The following GPX6 variants were observed in gnomAD, a reference collection of about 807,000 sequenced individuals.
GPX6 encodes the protein glutathione peroxidase 6 (olfactory).
In GPX6, 21 loss-of-function variants were observed where a neutral mutation model predicts 20.0. The observed-to-expected ratio is 1.05, with a 90% CI of 0.74 to 1.51. GPX6 has a LOEUF of 1.51. GPX6 is among the 40% of genes most tolerant of loss of function. The pLI is 0.00. For synonymous variants in GPX6, 75 were observed against 98.0 expected, an observed-to-expected ratio of 0.77 and a Z score of 1.38; for missense variants, 233 against 254.7, an observed-to-expected ratio of 0.91 and a Z score of 0.58.
Position 28,505,014 on chromosome 6 carries a change from A to C in GPX6, c.460-516T>G, listed in dbSNP as rs551351991. Among the ~76,000 whole-genome samples, 33 of 152,320 alleles carry C rather than the reference A, an allele frequency of 2.2e-4. No individual in the cohort carries two copies. In the South Asian group the frequency reaches 4.8e-3, roughly 22 times the overall value. On this transcript the variant is annotated intron_variant, in intron 4 of 4. Coordinates refer to ENST00000361902, the MANE Select transcript of GPX6 (RefSeq NM_182701.1). ...AAAGTCTACTGTAAGCACACATTTA[A>C]AAATTAAGGGATTTTTAAATACTCA...
At position 28,504,290 on chromosome 6, in the gene GPX6, T is replaced by C; in HGVS notation, c.*2A>G. ...GTTATTTCTGTCAGTCGCTAGCCCT[T>C]CCTAGTGGGTATTGAACTGCTTTAG... is the stretch of plus-strand genomic sequence containing the variant. On this transcript the variant is annotated 3_prime_UTR_variant, in exon 5 of 5. Transcript: ENST00000361902. 6.2e-7 allele frequency: 1 copy of C among 1,613,618 alleles called. No individual in the cohort carries two copies. The highest frequency in any genetic ancestry group is 1.3e-5 in the African/African-American group (1 of 75,032).
chr6:28,508,157 CAAATTTA>C (rs1213859985), intron 2 of GPX6, among the ~76,000 whole-genome samples: 8 of 152,134 alleles, frequency 5.3e-5, no homozygotes, highest in African/African-American at 1.9e-4. Flanking sequence ...CAATATGTAG[CAAATTTA>C]AGTTAAAATT....
chr6:28,505,678 C>T, intron 4 of GPX6, 25 bp downstream of exon 4: 1 of 1,573,242 alleles, frequency 6.4e-7, no homozygotes, highest in Non-Finnish European at 8.7e-7. Context: ...GCTAACCCAT[C>T]CATGCCAGGT....
At chr6:28,512,253 A>C (rs1762894580) in intron 1 of GPX6, among the ~76,000 whole-genome samples, 1 of 152,248 alleles carries the variant, frequency 6.6e-6, no homozygotes, top group Non-Finnish European at 1.5e-5. Context: ...TGGGCTCCTG[A>C]GTCTGGTGGG....
At chr6:28,512,970 G>A (rs1762928394) in intron 1 of GPX6, among the ~76,000 whole-genome samples, 1 of 152,104 alleles carries the variant, frequency 6.6e-6, no homozygotes, top group Non-Finnish European at 1.5e-5. Flanking sequence ...AACAAATTCT[G>A]GACACGCTGC....
At chr6:28,511,164 A>T (rs905897837) in intron 1 of GPX6, among the ~76,000 whole-genome samples, 2 of 152,322 alleles carry the variant, frequency 1.3e-5, no homozygotes, top group African/African-American at 4.8e-5. Flanking sequence ...AAGATTAATA[A>T]CATTTACCTC....
At position 28,505,683 on chromosome 6, in the gene GPX6, CCAGGTTTATACT is replaced by C. The variant is rs1195236159; in HGVS notation, c.459+8_459+19del. 6.3e-7 allele frequency: 1 copy of C among 1,587,020 alleles called. No individual in the cohort carries two copies. The highest frequency in any genetic ancestry group is 1.7e-5 in the Admixed American group (1 of 59,952). On this transcript the variant is annotated splice_region_variant and intron_variant, in intron 4 of 4. Coordinates refer to ENST00000361902, the MANE Select transcript of GPX6 (RefSeq NM_182701.1). ...AGCATTTCTAGCTAACCCATCCATG[CCAGGTTTATACT>C]CATGCACCTTCAGGAAAGTAAAGAC...
chr6:28,512,401 CTG>C (rs1487471324), intron 1 of GPX6, among the ~76,000 whole-genome samples: 5 of 152,340 alleles, frequency 3.3e-5, no homozygotes, highest in African/African-American at 4.8e-5. Flanking sequence ...AGTTGACACT[CTG>C]TATCTAGCTG....
chr6:28,506,455 G>T, intron 2 of GPX6, 26 bp from the exon 3 acceptor site: 4 of 1,385,294 alleles, frequency 2.9e-6, no homozygotes, highest in Non-Finnish European at 3.1e-6. Flanking sequence ...GAATAGCAGG[G>T]GTGGGCTGGT....
At chr6:28,513,482 C>T (rs891979796) in intron 1 of GPX6, among the ~76,000 whole-genome samples, 7 of 152,180 alleles carry the variant, frequency 4.6e-5, no homozygotes, top group Non-Finnish European at 1.0e-4. Flanking sequence ...CCGTCGCATG[C>T]CTTGTGAGAG....
At chr6:28,508,748 A>G (rs1186225453) in intron 2 of GPX6, among the ~76,000 whole-genome samples, 1 of 152,106 alleles carries the variant, frequency 6.6e-6, no homozygotes, top group Non-Finnish European at 1.5e-5. Flanking sequence ...CAGAGGTTAC[A>G]GTGAGCCAAG....
chr6:28,510,713 A>T, intron 2 of GPX6, 38 bp downstream of exon 2: 1 of 1,596,662 alleles, frequency 6.3e-7, no homozygotes, highest in Non-Finnish European at 8.5e-7. Context: ...GCTATCTGGC[A>T]ATGCTGCTTC....
chr6:28,509,738 T>A lies in GPX6; in HGVS notation c.241+1013A>T, dbSNP rs192061094. Among the ~76,000 whole-genome samples the A allele has an allele frequency of 2.5e-3, 384 of 152,272 alleles. 4 individuals are homozygous for A. The highest frequency in any genetic ancestry group is 1.3e-3 in the Non-Finnish European group (90 of 68,028). On this transcript the variant is annotated intron_variant, in intron 2 of 4. Transcript: ENST00000361902. ...GACCAACAGTAATGCAAAACTCTTC[T>A]CCAATAAGGGCACAAAGAAAATGGA...
intron 1 of GPX6, among the ~76,000 whole-genome samples, chr6:28,513,896 C>T (rs1276658149): frequency 2.0e-5 from 3 of 152,218 alleles, no homozygotes; most frequent in Non-Finnish European, 4.4e-5. Context: ...CACAAGGCCA[C>T]AGCTTCTCCT....
chr6:28,513,483 C>T (rs1012211075), intron 1 of GPX6, among the ~76,000 whole-genome samples: 1 of 152,214 alleles, frequency 6.6e-6, no homozygotes, highest in Non-Finnish European at 1.5e-5. Flanking sequence ...CGTCGCATGC[C>T]TTGTGAGAGG....
intron 2 of GPX6, among the ~76,000 whole-genome samples, chr6:28,507,730 A>C (rs560276211): frequency 1.7e-4 from 26 of 152,216 alleles, no homozygotes; most frequent in African/African-American, 6.3e-4. Context: ...ATGCCCAGCT[A>C]ATTTTTTGTA....
chr6:28,505,583 G>A (rs943535680), intron 4 of GPX6, 120 bp downstream of exon 4: 18 of 735,842 alleles, frequency 2.4e-5, no homozygotes, highest in African/African-American at 2.3e-4. Context: ...ATTGCCATGA[G>A]CCTTGAACTT....
intron 2 of GPX6, among the ~76,000 whole-genome samples, chr6:28,509,805 G>A (rs35403242): frequency 0.076 from 11,549 of 152,246 alleles, 674 homozygotes; most frequent in East Asian, 0.32. Context: ...CAAGGTTGGC[G>A]AGATGGAGCA....
intron 3 of GPX6, 49 bp downstream of exon 3, chr6:28,506,263 G>A: frequency 9.2e-7 from 1 of 1,089,874 alleles, no homozygotes; most frequent in Non-Finnish European, 1.4e-6. Flanking sequence ...GTGGAATGAG[G>A]AATGGAAATC....
Sources: gnomAD v4.1 joint callset for allele counts (sites outside exome capture counted in the v4.1 genomes callset) on GRCh38, gnomAD v4.1.1 for gene constraint, MANE v1.5 for transcripts, NCBI Gene and HGNC (gene_info 2026-07-23, HGNC 2026-07-21) for gene names.